SAMD12: variants seen among roughly 807,000 people sequenced by gnomAD.
The protein encoded by SAMD12 is sterile alpha motif domain-containing protein 12.
Under a neutral mutation model 15.0 loss-of-function variants are expected in SAMD12, and 9 were observed. That is an observed-to-expected ratio of 0.60 (90% CI 0.36 to 1.05). The LOEUF (loss-of-function observed/expected upper bound fraction) is 1.05. Ranked by LOEUF, SAMD12 falls within the 50% of genes least tolerant of loss-of-function variation. The pLI is 0.01. For synonymous variants in SAMD12, 86 were observed against 90.1 expected (o/e 0.96, Z 0.25); for missense variants, 230 against 234.2 (o/e 0.98, Z 0.12).
chr8:118,417,369 C>G (rs1821752734), intron 3 of SAMD12, among the ~76,000 whole-genome samples: 1 of 152,272 alleles, frequency 6.6e-6, no homozygotes, highest in East Asian at 1.9e-4. Context: ...CAGTTGTGAG[C>G]CACTGTGCCC....
downstream of SAMD12, among the ~76,000 whole-genome samples, chr8:118,374,975 T>A (rs1819307569): frequency 6.6e-6 from 1 of 152,116 alleles, no homozygotes; most frequent in Non-Finnish European, 1.5e-5. Context: ...ATTCTTTTTG[T>A]AAATAAAATT....
the SAMD12 span, among the ~76,000 whole-genome samples, chr8:118,161,274 T>C: frequency 6.6e-6 from 1 of 152,216 alleles, no homozygotes; most frequent in Non-Finnish European, 1.5e-5. Flanking sequence ...AAGCGAACTT[T>C]ATCAATATTA....
In SAMD12 at chr8:118,467,937, A is replaced by G. The variant is rs530405197; in HGVS notation, c.193-27976T>C. On this transcript the variant is annotated intron_variant, in intron 2 of 3. Coordinates refer to ENST00000314727, the MANE Select transcript of SAMD12 (RefSeq NM_207506.3). ...CATTATGGACCACGAGTGCATAAAG[A>G]TGGGGACAATGTGGCACCATGCCAC... is the stretch of plus-strand genomic sequence containing the variant. 2.2e-3 allele frequency among the ~76,000 whole-genome samples: 328 copies of G among 152,322 alleles called. 1 individual carries two copies. Among genetic ancestry groups the G allele is most frequent in the Non-Finnish European group, 1.6e-3 (110 of 68,026 alleles).
intron 4 of SAMD12, among the ~76,000 whole-genome samples, chr8:118,208,845 T>C (rs1246029111): frequency 6.6e-6 from 1 of 152,206 alleles, no homozygotes; most frequent in Non-Finnish European, 1.5e-5. Flanking sequence ...AAGGTGAAGC[T>C]TCAAATCCTT....
At chr8:118,362,991 CA>C (rs1818579927) in intron 4 of SAMD12, among the ~76,000 whole-genome samples, 1 of 152,072 alleles carries the variant, frequency 6.6e-6, no homozygotes, top group Non-Finnish European at 1.5e-5. Flanking sequence ...CCTAGCAGCC[CA>C]AAAAATGCAA....
the SAMD12 span, among the ~76,000 whole-genome samples, chr8:118,144,984 G>C: frequency 6.6e-6 from 1 of 152,202 alleles, no homozygotes; most frequent in East Asian, 1.9e-4. Flanking sequence ...TAGTGGGGAA[G>C]TTAGCTAGCT....
intron 2 of SAMD12, among the ~76,000 whole-genome samples, chr8:118,505,596 T>A (rs973059036): frequency 6.6e-6 from 1 of 151,926 alleles, no homozygotes; most frequent in African/African-American, 2.4e-5. Context: ...AAAAGCCACA[T>A]GCTAAGGAAG....
At chr8:118,584,687 T>C (rs1178082701) in intron 1 of SAMD12, among the ~76,000 whole-genome samples, 2 of 152,204 alleles carry the variant, frequency 1.3e-5, no homozygotes, top group Non-Finnish European at 2.9e-5. Flanking sequence ...TAAAAAAATT[T>C]AAGAGAGAAA....
intron 4 of SAMD12, among the ~76,000 whole-genome samples, chr8:118,232,250 C>T (rs1239121143): frequency 1.3e-5 from 2 of 152,038 alleles, no homozygotes; most frequent in Admixed American, 1.3e-4. Flanking sequence ...GCTTAAGCTC[C>T]CCATAGAAAC....
At chr8:118,169,641 C>T in the SAMD12 span, among the ~76,000 whole-genome samples, 6 of 152,128 alleles carry the variant, frequency 3.9e-5, no homozygotes, top group African/African-American at 1.4e-4. Context: ...ATCCACTGAC[C>T]CCAATGTTTC....
At chr8:118,542,185 T>C (rs1826005557) in intron 2 of SAMD12, among the ~76,000 whole-genome samples, 1 of 152,106 alleles carries the variant, frequency 6.6e-6, no homozygotes, top group Non-Finnish European at 1.5e-5. Context: ...TAAGTAAGTG[T>C]CAGGGACTTC....
At chr8:118,421,848 A>G (rs888495057) in intron 3 of SAMD12, among the ~76,000 whole-genome samples, 1 of 152,202 alleles carries the variant, frequency 6.6e-6, no homozygotes, top group South Asian at 2.1e-4. Flanking sequence ...TGAAGGGAAC[A>G]TGGGGCTCAG....
chr8:118,365,565 G>T (rs912296070), intron 4 of SAMD12, among the ~76,000 whole-genome samples: 1 of 152,070 alleles, frequency 6.6e-6, no homozygotes. Flanking sequence ...ACTTACACCA[G>T]CAGCTCCCTC....
intron 2 of SAMD12, among the ~76,000 whole-genome samples, chr8:118,455,098 C>T (rs1823206539): frequency 6.6e-6 from 1 of 152,188 alleles, no homozygotes; most frequent in African/African-American, 2.4e-5. Flanking sequence ...GGCTTCCTTC[C>T]TCATCCTCCC....
chr8:118,440,489 A>G (rs1221777474), intron 2 of SAMD12, among the ~76,000 whole-genome samples: 4 of 152,130 alleles, frequency 2.6e-5, no homozygotes, highest in African/African-American at 7.2e-5. Context: ...TGGCCCTGAA[A>G]TGTCCAGGAC....
chr8:118,608,895 T>G (rs1828042797), intron 1 of SAMD12, among the ~76,000 whole-genome samples: 3 of 152,112 alleles, frequency 2.0e-5, no homozygotes, highest in Non-Finnish European at 2.9e-5. Flanking sequence ...GCTCGATAGG[T>G]TATTGGAAAT....
intron 2 of SAMD12, among the ~76,000 whole-genome samples, chr8:118,483,638 CCTA>C (rs2130995592): frequency 6.6e-6 from 1 of 152,070 alleles, no homozygotes; most frequent in Non-Finnish European, 1.5e-5. Context: ...TTCCTAAATG[CCTA>C]CTAATACTTT....
Position 118,379,058 on chromosome 8 carries a change from T to G in SAMD12, c.*359A>C. On this transcript the variant is annotated 3_prime_UTR_variant, in exon 4 of 4. Transcript: ENST00000314727. The stretch of plus-strand genomic sequence containing the variant: ...ATAGTAATACATATCTAAAATGTTT[T>G]TCTCCCACTAACCGGTGAAAAGCAA... The G allele has an allele frequency of 9.6e-7, 1 of 1,040,872 alleles. No individual in the cohort carries two copies. The highest frequency in any genetic ancestry group is 1.2e-6 in the Non-Finnish European group (1 of 862,186). The allele number at this position is 1,040,872 out of a possible 1,614,324, so 64.5% of individuals were successfully genotyped here. A position where few individuals can be genotyped will look rare whatever the true frequency, so the allele number is the denominator to read the frequency against.
At chr8:118,210,117 C>G (rs1217237318) in intron 4 of SAMD12, among the ~76,000 whole-genome samples, 1 of 152,156 alleles carries the variant, frequency 6.6e-6, no homozygotes, top group Non-Finnish European at 1.5e-5. Flanking sequence ...GGTATTATCT[C>G]TATTTGGATG....
Sources: gnomAD v4.1 joint callset for allele counts (sites outside exome capture counted in the v4.1 genomes callset) on GRCh38, gnomAD v4.1.1 for gene constraint, MANE v1.5 for transcripts, NCBI Gene and HGNC (gene_info 2026-07-23, HGNC 2026-07-21) for gene names.